APBB2: variants seen among roughly 807,000 people sequenced by gnomAD.
APBB2 encodes the protein Fe65-like 1.
Under a neutral mutation model 82.5 loss-of-function variants are expected in APBB2, and 38 were observed. The ratio of observed to expected loss-of-function variants is 0.46; its 90% confidence interval spans 0.36 to 0.60. The LOEUF (loss-of-function observed/expected upper bound fraction) is 0.60. APBB2 is among the 20% of genes least tolerant of loss of function. APBB2 has a pLI of 0.00. For missense variants in APBB2, 772 were observed against 972.3 expected, an observed-to-expected ratio of 0.79 and a Z score of 2.74; for synonymous variants, 341 against 368.2, an observed-to-expected ratio of 0.93 and a Z score of 0.85.
chr4:40,977,306 T>C (rs1246548134), intron 6 of APBB2, among the ~76,000 whole-genome samples: 1 of 145,736 alleles, frequency 6.9e-6, no homozygotes, highest in Non-Finnish European at 1.5e-5. Flanking sequence ...CTGTAATGAA[T>C]TCAATATAGT....
chr4:40,949,826 C>T (rs6822300), intron 6 of APBB2, among the ~76,000 whole-genome samples: 2,817 of 152,274 alleles, frequency 0.018, 80 homozygotes, highest in African/African-American at 0.064. Flanking sequence ...CCCCTTTTGA[C>T]GGATCTGCTT....
intron 12 of APBB2, among the ~76,000 whole-genome samples, chr4:40,879,839 G>A (rs1278717751): frequency 6.6e-6 from 1 of 151,986 alleles, no homozygotes; most frequent in Non-Finnish European, 1.5e-5. Flanking sequence ...TTACAGGCAT[G>A]TGCTAACACA....
At chr4:41,116,024 T>C (rs1750862403) in intron 2 of APBB2, among the ~76,000 whole-genome samples, 3 of 152,236 alleles carry the variant, frequency 2.0e-5, no homozygotes, top group African/African-American at 4.8e-5. Context: ...CGTATGTTTA[T>C]TGCAGCACAG....
At chr4:41,021,530 T>C (rs1041677072) in intron 5 of APBB2, among the ~76,000 whole-genome samples, 2 of 152,190 alleles carry the variant, frequency 1.3e-5, no homozygotes, top group African/African-American at 4.8e-5. Flanking sequence ...TAAAGGATTG[T>C]AAACACACCA....
chr4:41,039,531 G>A (rs1222258272), intron 4 of APBB2, among the ~76,000 whole-genome samples: 1 of 152,146 alleles, frequency 6.6e-6, no homozygotes, highest in East Asian at 1.9e-4. Flanking sequence ...TGCTTGTTTT[G>A]CTTAGTGTCT....
At chr4:41,033,584 T>TCTCACACACACA (rs1355663784) in intron 4 of APBB2, among the ~76,000 whole-genome samples, 314 of 130,822 alleles carry the variant, frequency 2.4e-3, no homozygotes, top group Middle Eastern at 3.8e-3. Context: ...CTTTTTCTCA[T>TCTCACACACACA]CACACACACA....
intron 1 of APBB2, among the ~76,000 whole-genome samples, chr4:41,183,744 T>A (rs1772075701): frequency 6.6e-6 from 1 of 151,572 alleles, no homozygotes; most frequent in African/African-American, 2.4e-5. Flanking sequence ...AAAACAATAA[T>A]TTGTGTTGTT....
At chr4:40,830,249 C>T (rs924365533) in intron 13 of APBB2, among the ~76,000 whole-genome samples, 1 of 151,778 alleles carries the variant, frequency 6.6e-6, no homozygotes, top group Non-Finnish European at 1.5e-5. Context: ...GCGGGAGGGA[C>T]TATGGTTCTA....
In APBB2 at chr4:40,811,893, C is replaced by T. The variant is rs957641721; in HGVS notation, c.*4199G>A. ...AAGCTAAACCAGATTCAACTGATTT[C>T]TCTAGTTACCTTTCATTTTGGATTT... On this transcript the variant is annotated 3_prime_UTR_variant, in exon 18 of 18. Coordinates refer to ENST00000508593, the MANE Select transcript of APBB2 (RefSeq NM_004307.2). 3.3e-5 allele frequency: 5 copies of T among 152,200 alleles called. No individual in the cohort carries two copies. The highest frequency in any genetic ancestry group is 5.9e-5 in the Non-Finnish European group (4 of 68,032). The allele number at this position is 152,200 out of a possible 1,614,324, so 9.4% of individuals were successfully genotyped here. A position where few individuals can be genotyped will look rare whatever the true frequency, so the allele number is the denominator to read the frequency against.
chr4:41,143,849 C>A (rs373690648), intron 1 of APBB2, among the ~76,000 whole-genome samples: 1 of 152,158 alleles, frequency 6.6e-6, no homozygotes, highest in African/African-American at 2.4e-5. Flanking sequence ...TATTATCAAA[C>A]GTATAACATA....
chr4:41,032,984 C>T (rs564472443), intron 5 of APBB2, among the ~76,000 whole-genome samples: 2 of 151,236 alleles, frequency 1.3e-5, no homozygotes, highest in Admixed American at 6.6e-5. Context: ...GGGGTTTCAC[C>T]GTGTTAGCCA....
In APBB2 at chr4:40,890,503, C is replaced by T. The variant is rs375994986; in HGVS notation, c.1402-12G>A. ...TACATGTCTTTCCCCTGGGACACAACGAGAAAACACGCTGTCTTCTTCATG... is the reference window on the plus strand; with the variant it reads ...TACATGTCTTTCCCCTGGGACACAATGAGAAAACACGCTGTCTTCTTCATG... On this transcript the variant is annotated splice_polypyrimidine_tract_variant and intron_variant, in intron 11 of 17. Coordinates refer to ENST00000508593, the MANE Select transcript of APBB2 (RefSeq NM_004307.2). 82 of 1,613,012 alleles carry T rather than the reference C, an allele frequency of 5.1e-5. No individual in the cohort carries two copies. Among genetic ancestry groups the T allele is most frequent in the Admixed American group, 2.2e-4 (13 of 59,840 alleles).
chr4:41,016,396 T>G (rs1809945904), intron 5 of APBB2, among the ~76,000 whole-genome samples: 2 of 152,222 alleles, frequency 1.3e-5, no homozygotes, highest in African/African-American at 4.8e-5. Flanking sequence ...GTGCGGTGGC[T>G]CACGCCTGTA....
In APBB2 at chr4:40,882,709, C is replaced by T. The variant is rs954231139; in HGVS notation, c.1529+7655G>A. ...GTCTGCGGAGTCCCAGCCCCAGCAT[C>T]ACAAAGCTGAGCGGGGAAGTGTGGG... On this transcript the variant is annotated intron_variant, in intron 12 of 17. Transcript: ENST00000508593. 3.9e-5 allele frequency among the ~76,000 whole-genome samples: 6 copies of T among 152,298 alleles called. No homozygotes were observed. The South Asian group carries it at 8.3e-4, about 21-fold the overall frequency.
chr4:40,983,314 GATTTAAAA>G (rs923564202), intron 6 of APBB2, among the ~76,000 whole-genome samples: 1 of 152,146 alleles, frequency 6.6e-6, no homozygotes, highest in Non-Finnish European at 1.5e-5. Flanking sequence ...GAGCAAAGAT[GATTTAAAA>G]GTGTTCTTAC....
chr4:41,151,097 C>T (rs1762161464), intron 1 of APBB2, among the ~76,000 whole-genome samples: 1 of 152,132 alleles, frequency 6.6e-6, no homozygotes, highest in Admixed American at 6.5e-5. Context: ...GCTCAAGAGA[C>T]ACATTTCTTT....
At chr4:41,054,504 T>C (rs1337845341) in intron 4 of APBB2, among the ~76,000 whole-genome samples, 1 of 152,172 alleles carries the variant, frequency 6.6e-6, no homozygotes, top group African/African-American at 2.4e-5. Context: ...GGGCAATTAA[T>C]TGTGTCTCCA....
intron 7 of APBB2, among the ~76,000 whole-genome samples, chr4:40,941,951 T>C (rs1310402961): frequency 6.6e-6 from 1 of 152,164 alleles, no homozygotes; most frequent in Admixed American, 6.5e-5. Context: ...AAGGGTTTTA[T>C]GGGGAGTAAA....
chr4:41,010,190 T>C (rs1367087849), intron 6 of APBB2, among the ~76,000 whole-genome samples: 21 of 152,222 alleles, frequency 1.4e-4, no homozygotes, highest in Admixed American at 1.2e-3. Context: ...AGTGAACATT[T>C]TGAAGGCTGG....
Sources: allele counts gnomAD v4.1 joint callset (sites outside exome capture counted in the v4.1 genomes callset), GRCh38; gene constraint gnomAD v4.1.1; transcripts MANE v1.5; gene names NCBI Gene and HGNC (gene_info 2026-07-23, HGNC 2026-07-21).